BTBD10: variants seen among roughly 807,000 people sequenced by gnomAD.
BTBD10 encodes BTB/POZ domain-containing protein 10.
In BTBD10, 21 loss-of-function variants were observed where a neutral mutation model predicts 53.2. That is an observed-to-expected ratio of 0.39 (90% confidence interval 0.28 to 0.57). The LOEUF (loss-of-function observed/expected upper bound fraction) is 0.57. BTBD10 is among the 20% of genes least tolerant of loss of function. The pLI, the probability that BTBD10 is intolerant of heterozygous loss-of-function variation, is 0.53. For synonymous variants in BTBD10, 149 were observed against 192.7 expected (o/e 0.77, Z 1.88); for missense variants, 360 against 594.7 (o/e 0.61, Z 4.10).
intron 1 of BTBD10, chr11:13,459,675 A>G (rs921361096): frequency 5.3e-5 from 8 of 152,346 alleles, no homozygotes; most frequent in Non-Finnish European, 1.0e-4. Flanking sequence ...CCCAGTTAGA[A>G]CTGTAGGCAT....
At chr11:13,428,390 C>T (rs1254342942) in intron 2 of BTBD10, among the ~76,000 whole-genome samples, 3 of 152,092 alleles carry the variant, frequency 2.0e-5, no homozygotes, top group South Asian at 4.1e-4. Flanking sequence ...CCCTACACAG[C>T]TCTTCCAGAA....
chr11:13,459,232 G>A (rs1016733270), intron 1 of BTBD10, among the ~76,000 whole-genome samples: 2 of 150,900 alleles, frequency 1.3e-5, no homozygotes, highest in Non-Finnish European at 3.0e-5. Context: ...AATTTTTTTT[G>A]TATTTTTAGT....
At chr11:13,459,241 G>C (rs1269507744) in intron 1 of BTBD10, among the ~76,000 whole-genome samples, 1 of 151,406 alleles carries the variant, frequency 6.6e-6, no homozygotes, top group Non-Finnish European at 1.5e-5. Context: ...TGTATTTTTA[G>C]TAGAGACGGG....
At chr11:13,396,165 C>T (rs1949546755) in intron 8 of BTBD10, among the ~76,000 whole-genome samples, 1 of 152,116 alleles carries the variant, frequency 6.6e-6, no homozygotes, top group Non-Finnish European at 1.5e-5. Context: ...TTCTTCCTAC[C>T]CATGAGCATG....
At chr11:13,414,317 G>A (rs1950039362) in intron 5 of BTBD10, among the ~76,000 whole-genome samples, 1 of 152,146 alleles carries the variant, frequency 6.6e-6, no homozygotes, top group African/African-American at 2.4e-5. Flanking sequence ...AATTCCACAA[G>A]GGGAAATATG....
At chr11:13,404,300 AC>A (rs1949771606) in intron 7 of BTBD10, among the ~76,000 whole-genome samples, 2 of 152,298 alleles carry the variant, frequency 1.3e-5, no homozygotes, top group African/African-American at 2.4e-5. Flanking sequence ...ACAAAATAAT[AC>A]ATATTTAGAC....
intron 5 of BTBD10, among the ~76,000 whole-genome samples, chr11:13,415,399 C>A (rs769620636): frequency 1.3e-5 from 2 of 152,134 alleles, no homozygotes; most frequent in African/African-American, 2.4e-5. Context: ...ATGCCCCAGG[C>A]GCAGTGTTTC....
chr11:13,406,721 A>G (rs949577390), intron 6 of BTBD10, among the ~76,000 whole-genome samples: 4 of 151,916 alleles, frequency 2.6e-5, no homozygotes, highest in African/African-American at 9.7e-5. Context: ...ACAGTCTCCC[A>G]AGGGAGAGCT....
chr11:13,416,772 T>C (rs997222973), intron 5 of BTBD10, among the ~76,000 whole-genome samples: 3 of 151,742 alleles, frequency 2.0e-5, no homozygotes, highest in Non-Finnish European at 4.4e-5. Context: ...AGCCCTGGAG[T>C]TCGAGAACAG....
chr11:13,445,984 GC>G (rs1950743445), intron 1 of BTBD10, among the ~76,000 whole-genome samples: 1 of 152,114 alleles, frequency 6.6e-6, no homozygotes, highest in African/African-American at 2.4e-5. Flanking sequence ...TAGTAACTTT[GC>G]CAAAGATCAC....
At chr11:13,441,190 C>T (rs2134022997) in intron 2 of BTBD10, among the ~76,000 whole-genome samples, 1 of 152,122 alleles carries the variant, frequency 6.6e-6, no homozygotes, top group Middle Eastern at 3.4e-3. Context: ...CATAGGCACC[C>T]TAAAAGTCCA....
At chr11:13,438,663 G>C (rs1013309992) in intron 2 of BTBD10, among the ~76,000 whole-genome samples, 1 of 151,540 alleles carries the variant, frequency 6.6e-6, no homozygotes, top group East Asian at 1.9e-4. Context: ...TATATACACA[G>C]AAAAAACAGG....
In BTBD10 at chr11:13,396,171, G is replaced by A. The variant is rs563938913; in HGVS notation, c.1117+6997C>T. Among the ~76,000 whole-genome samples, 24 of 152,256 alleles carry A rather than the reference G, an allele frequency of 1.6e-4. No homozygotes were observed. In the South Asian group the frequency reaches 4.6e-3, roughly 29 times the overall value. ...CGATATTGATTCTTCCTACCCATGA[G>A]CATGGAATGTTCTTCCATTTGTTTG... On this transcript the variant is annotated intron_variant, in intron 8 of 8. Transcript: ENST00000278174.
chr11:13,446,360 A>C (rs1950749607), intron 1 of BTBD10, among the ~76,000 whole-genome samples: 1 of 152,194 alleles, frequency 6.6e-6, no homozygotes, highest in Non-Finnish European at 1.5e-5. Context: ...TTCACAAAGA[A>C]TGCCAAAGAT....
chr11:13,400,225 C>T (rs920481138), intron 8 of BTBD10, among the ~76,000 whole-genome samples: 1 of 152,234 alleles, frequency 6.6e-6, no homozygotes, highest in Non-Finnish European at 1.5e-5. Context: ...GATTTGTTTA[C>T]CTACTTAAGT....
At chr11:13,409,856 T>C (rs951776996) in intron 6 of BTBD10, among the ~76,000 whole-genome samples, 1 of 152,186 alleles carries the variant, frequency 6.6e-6, no homozygotes, top group Non-Finnish European at 1.5e-5. Context: ...CATCACTATA[T>C]GTACTATATG....
chr11:13,460,410 A>G (rs1031765890), intron 1 of BTBD10, among the ~76,000 whole-genome samples: 1 of 152,142 alleles, frequency 6.6e-6, no homozygotes, highest in Non-Finnish European at 1.5e-5. Context: ...CCTCTTACTT[A>G]GCTTTGACCT....
intron 6 of BTBD10, among the ~76,000 whole-genome samples, chr11:13,412,619 TG>T (rs1949984985): frequency 6.6e-6 from 1 of 152,228 alleles, no homozygotes; most frequent in Non-Finnish European, 1.5e-5. Flanking sequence ...GAGAATTTTT[TG>T]TATTACCATG....
Position 13,405,744 on chromosome 11 carries a change from T to C in BTBD10, c.921A>G (p.Glu307=), listed in dbSNP as rs1168721109. Residue 307 remains glutamate (E), a synonymous_variant, in exon 7 of 9, where the codon GAA becomes GAG. Coordinates refer to ENST00000278174, the MANE Select transcript of BTBD10 (RefSeq NM_032320.7). The part of the protein sequence containing the change: ...MVASAQSGER[E]CHIVVLTDDD... ...CATCTGTAAGCACCACTATATGACA[T>C]TCCCGTTCCCCACTCTGGGCACTAG... 2 of 1,613,806 alleles carry C rather than the reference T, an allele frequency of 1.2e-6. No individual in the cohort carries two copies. The highest frequency in any genetic ancestry group is 1.1e-5 in the South Asian group (1 of 91,056).
Sources: allele counts gnomAD v4.1 joint callset (sites outside exome capture counted in the v4.1 genomes callset), GRCh38; gene constraint gnomAD v4.1.1; transcripts MANE v1.5; gene names NCBI Gene and HGNC (gene_info 2026-07-23, HGNC 2026-07-21).